Variants in MGRN1 observed in about 807,000 individuals in gnomAD.
The protein encoded by MGRN1 is mahogunin ring finger 1.
Under a neutral mutation model 69.2 loss-of-function variants are expected in MGRN1, and 29 were observed. The ratio of observed to expected loss-of-function variants is 0.42; its 90% CI spans 0.31 to 0.57. The LOEUF is 0.57. Ranked by LOEUF, MGRN1 falls within the 20% of genes least tolerant of loss-of-function variation. MGRN1 has a pLI of 0.15. For synonymous variants in MGRN1, 470 were observed against 344.2 expected (o/e 1.37, Z -4.04); for missense variants, 998 against 796.2 (o/e 1.25, Z -3.05).
chr16:4,688,215 A>G (rs2079377426), intron 16 of MGRN1: 2 of 985,464 alleles, frequency 2.0e-6, no homozygotes, highest in Admixed American at 1.2e-4. Context: ...CTGCACCAGC[A>G]CCATTGCCCA....
intron 1 of MGRN1, among the ~76,000 whole-genome samples, chr16:4,629,419 A>G (rs1356870724): frequency 1.3e-5 from 2 of 152,072 alleles, no homozygotes; most frequent in African/African-American, 4.8e-5. Context: ...CTGCTTTTTA[A>G]GTGGATACTG....
At chr16:4,682,306 C>T (rs1206582115) in intron 13 of MGRN1, among the ~76,000 whole-genome samples, 3 of 152,264 alleles carry the variant, frequency 2.0e-5, no homozygotes, top group Non-Finnish European at 4.4e-5. Context: ...TTCGGAGGGC[C>T]TGGCTCCTGG....
Position 4,652,763 on chromosome 16 carries a change from G to A in MGRN1, c.382G>A (p.Ala128Thr). The change falls in exon 4 of 17, where the codon GCC (alanine) becomes ACC (threonine). Residue 128 changes from alanine (A) to threonine (T), a missense_variant. Ala to Thr is a moderately conservative substitution (Grantham distance 58). Transcript: ENST00000262370. ...YSLEFTFDAD[A>T]RVAITIYCQA... ...CCTGGAGTTCACCTTCGACGCCGAT[G>A]CCCGCGTGGCCATCACCATCTACTG... The A allele has an allele frequency of 6.2e-7, 1 of 1,612,284 alleles. No homozygotes were observed. Among genetic ancestry groups the A allele is most frequent in the Non-Finnish European group, 8.5e-7 (1 of 1,179,250 alleles).
At chr16:4,636,243 C>T (rs984805426) in intron 1 of MGRN1, among the ~76,000 whole-genome samples, 3 of 152,080 alleles carry the variant, frequency 2.0e-5, no homozygotes, top group Non-Finnish European at 4.4e-5. Context: ...ACCTGCCTCC[C>T]CCTTCTTCCC....
intron 5 of MGRN1, among the ~76,000 whole-genome samples, chr16:4,659,358 C>T (rs1049184792): frequency 1.3e-5 from 2 of 151,870 alleles, no homozygotes; most frequent in African/African-American, 4.8e-5. Context: ...TCTGTGTTTC[C>T]TGTTTGTTTC....
Position 4,644,530 on chromosome 16 carries a change from C to G in MGRN1, c.89-5835C>G, listed in dbSNP as rs1010075952. Among the ~76,000 whole-genome samples the G allele has an allele frequency of 7.9e-5, 12 of 151,356 alleles. No homozygotes were observed. In the South Asian group the frequency reaches 1.3e-3, roughly 16 times the overall value. On this transcript the variant is annotated intron_variant, in intron 1 of 16. Transcript: ENST00000262370. ...TCTCCATTATGGTCAGGCTGGTCTCCAACTCCTGACCTCAGGTGATCCACC... is the reference window on the plus strand; with the variant it reads ...TCTCCATTATGGTCAGGCTGGTCTCGAACTCCTGACCTCAGGTGATCCACC...
intron 9 of MGRN1, chr16:4,672,610 G>T: frequency 2.7e-6 from 1 of 373,466 alleles, no homozygotes; most frequent in African/African-American, 2.1e-5. Flanking sequence ...TATGGTCTCT[G>T]TTGCACTGAC....
chr16:4,627,443 A>C (rs1468027406), intron 1 of MGRN1, among the ~76,000 whole-genome samples: 1 of 152,216 alleles, frequency 6.6e-6, no homozygotes, highest in Non-Finnish European at 1.5e-5. Flanking sequence ...GTACCACACA[A>C]CTCATCCATT....
intron 1 of MGRN1, among the ~76,000 whole-genome samples, chr16:4,639,343 G>A (rs1258989467): frequency 6.6e-6 from 1 of 152,138 alleles, no homozygotes; most frequent in Non-Finnish European, 1.5e-5. Context: ...GCCTCACCGC[G>A]GCATCCCAAG....
chr16:4,642,903 C>A (rs2141855104), intron 1 of MGRN1, among the ~76,000 whole-genome samples: 1 of 152,058 alleles, frequency 6.6e-6, no homozygotes, highest in Non-Finnish European at 1.5e-5. Context: ...CCTTCCACCT[C>A]AGCCTCCCGA....
intron 8 of MGRN1, among the ~76,000 whole-genome samples, chr16:4,670,396 C>A (rs912986089): frequency 2.0e-5 from 3 of 152,228 alleles, no homozygotes; most frequent in Non-Finnish European, 2.9e-5. Context: ...GCACGCGCCA[C>A]CATGCCTGGC....
chr16:4,684,013 T>C (rs751214583), intron 16 of MGRN1, 81 bp downstream of exon 16: 338 of 1,232,814 alleles, frequency 2.7e-4, no homozygotes, highest in Non-Finnish European at 3.7e-4. Context: ...TGATGGTCGG[T>C]GCATAGCAGC....
intron 16 of MGRN1, chr16:4,686,216 T>C: frequency 2.0e-6 from 3 of 1,537,940 alleles, no homozygotes; most frequent in Non-Finnish European, 2.6e-6. Context: ...TGCTGCGCGC[T>C]TGCTAACCGA....
rs767317059 is a variant in MGRN1, at chr16:4,683,924, A to G, written c.1610A>G (p.Tyr537Cys). The G allele has an allele frequency of 4.3e-5, 44 of 1,028,994 alleles. No individual in the cohort carries two copies. The highest frequency in any genetic ancestry group is 5.5e-5 in the Non-Finnish European group (39 of 714,594). The allele number at this position is 1,028,994 out of a possible 1,614,324, so 63.7% of individuals were successfully genotyped here. Residue 537 changes from tyrosine to cysteine, a missense_variant, in exon 16 of 17, where the codon TAC becomes TGC. By Grantham distance (194) the Tyr-to-Cys change is radical. Transcript: ENST00000262370. ...GGCCGAGGCCCACCTGCTGACATCT[A>G]CCTGCCAGGTAAGGGGCTGGGGGTC... ...HCGRGPPADI[Y>C]LPGRPTSMET...
chr16:4,654,111 C>CT, intron 4 of MGRN1, among the ~76,000 whole-genome samples: 1 of 152,242 alleles, frequency 6.6e-6, no homozygotes, highest in Admixed American at 6.5e-5. Flanking sequence ...ACTTCCAAGT[C>CT]TCTAATCATG....
chr16:4,651,368 A>G (rs1428204997), intron 2 of MGRN1, among the ~76,000 whole-genome samples: 2 of 152,160 alleles, frequency 1.3e-5, no homozygotes, highest in African/African-American at 4.8e-5. Flanking sequence ...TAGACAATTA[A>G]TACGGGACAA....
At chr16:4,672,548 G>A (rs780309937) in intron 9 of MGRN1, 9 of 436,182 alleles carry the variant, frequency 2.1e-5, no homozygotes, top group African/African-American at 1.0e-4. Flanking sequence ...ACCAGGGGGC[G>A]GCCCACTTTG....
chr16:4,684,915 A>G (rs2079274070), intron 16 of MGRN1, among the ~76,000 whole-genome samples: 1 of 152,162 alleles, frequency 6.6e-6, no homozygotes, highest in South Asian at 2.1e-4. Flanking sequence ...AATCCTCCTG[A>G]GTCACCTGGT....
At chr16:4,674,657 G>A (rs1211863769) in intron 10 of MGRN1, among the ~76,000 whole-genome samples, 56 of 61,254 alleles carry the variant, frequency 9.1e-4, no homozygotes, top group African/African-American at 2.6e-3. Context: ...TTTTTGAGAC[G>A]GAGTCTCGCT....
Sources: allele counts gnomAD v4.1 joint callset (sites outside exome capture counted in the v4.1 genomes callset), GRCh38; gene constraint gnomAD v4.1.1; transcripts MANE v1.5; gene names NCBI Gene and HGNC (gene_info 2026-07-23, HGNC 2026-07-21).